Variants in POLM observed in about 807,000 individuals in gnomAD.
POLM encodes DNA polymerase mu.
A neutral mutation model predicts 56.7 loss-of-function variants in POLM; 52 were observed. That is an observed-to-expected ratio of 0.92 (90% CI 0.73 to 1.15). POLM has a LOEUF of 1.15. Among genes scored for constraint, POLM ranks in the 50% most tolerant of loss-of-function variants. The pLI, the probability that POLM is intolerant of heterozygous loss-of-function variation, is 0.00. For synonymous variants in POLM, 273 were observed against 274.3 expected, an observed-to-expected ratio of 1.00 and a Z score of 0.05; for missense variants, 660 against 663.6, an observed-to-expected ratio of 0.99 and a Z score of 0.06.
intron 5 of POLM, among the ~76,000 whole-genome samples, chr7:44,078,070 C>A (rs1403577907): frequency 1.3e-5 from 2 of 152,246 alleles, no homozygotes; most frequent in Non-Finnish European, 2.9e-5. Context: ...CGGGCAAGGG[C>A]AAGCCCAGCA....
In POLM at chr7:44,073,085, T is replaced by C. The variant is rs1158575611; in HGVS notation, c.*206A>G. 2.1e-5 allele frequency: 31 copies of C among 1,454,256 alleles called. No individual in the cohort carries two copies. In the South Asian group the frequency reaches 3.5e-4, roughly 16 times the overall value. The allele number at this position is 1,454,256 out of a possible 1,614,324, so 90.1% of individuals were successfully genotyped here. On this transcript the variant is annotated 3_prime_UTR_variant, in exon 11 of 11. Coordinates refer to ENST00000242248, the MANE Select transcript of POLM (RefSeq NM_013284.4). ...GGTCACACAGTGATGAGGCTGGCACTGAGGGCTCCCACCTCATCACACCCT... is the reference window on the plus strand; with the variant it reads ...GGTCACACAGTGATGAGGCTGGCACCGAGGGCTCCCACCTCATCACACCCT...
At position 44,082,283 on chromosome 7, in the gene POLM, G is replaced by A; in HGVS notation, c.156C>T (p.Arg52=). ...CGTCAAGGACGCGGAAGCCTTTGGA[G>A]CGCGCCAGGCCTGTGAGGAAGGCCC... ...SRRAFLTGLA[R]SKGFRVLDAC... is the part of the protein sequence containing the mutation. The change falls in exon 1 of 11, where the codon CGC becomes CGT. Residue 52 remains arginine (R), a synonymous_variant. Transcript: ENST00000242248. 1 of 1,530,684 alleles carries A rather than the reference G, an allele frequency of 6.5e-7. No homozygotes were observed. Among genetic ancestry groups the A allele is most frequent in the Non-Finnish European group, 8.7e-7 (1 of 1,147,010 alleles). The allele number at this position is 1,530,684 out of a possible 1,614,324, so 94.8% of individuals were successfully genotyped here. A position where few individuals can be genotyped will look rare whatever the true frequency, so the allele number is the denominator to read the frequency against.
At chr7:44,080,616 G>T in intron 2 of POLM, 117 bp downstream of exon 2, 1 of 1,129,574 alleles carries the variant, frequency 8.9e-7, no homozygotes, top group Non-Finnish European at 1.3e-6. Flanking sequence ...AGTCTTCACT[G>T]CCCACCTCCT....
At chr7:44,074,560 C>T (rs1177423766) in intron 6 of POLM, 30 bp from the exon 7 acceptor site, 4 of 1,517,916 alleles carry the variant, frequency 2.6e-6, no homozygotes, top group Non-Finnish European at 3.5e-6. Flanking sequence ...TCCTGACTCA[C>T]CCAGCCTGCC....
intron 4 of POLM, 126 bp downstream of exon 4, chr7:44,079,445 C>G (rs1431797779): frequency 3.5e-6 from 3 of 858,346 alleles, no homozygotes; most frequent in Non-Finnish European, 5.4e-6. Context: ...TTGTTGAGGC[C>G]TTGGAGCAGT....
Position 44,074,179 on chromosome 7 carries a change from AC to A in POLM, c.1022del (p.Gly341ValfsTer10). On this transcript the variant is annotated frameshift_variant, in exon 8 of 11. Coordinates refer to ENST00000242248, the MANE Select transcript of POLM (RefSeq NM_013284.4). LOFTEE classifies it high-confidence loss of function. ...VDFLITHPKE[G>X]QEAGLLPRVM... ...CTCTAGGCAGCAGCCCCGCCTCCTG[AC>A]CCTCCTTGGGGTGGGTGATGAGGAA... 5 of 1,601,670 alleles carry A rather than the reference AC, an allele frequency of 3.1e-6. No homozygotes were observed. Among genetic ancestry groups the A allele is most frequent in the Non-Finnish European group, 4.3e-6 (5 of 1,174,694 alleles).
chr7:44,072,819 CA>C lies in POLM; in HGVS notation c.*471del, dbSNP rs1056222004. ...GTAGGCTCCTTGCTGGCACGAACCA[CA>C]GCCTCCAGCTCATGGCTCTCAAATG... On this transcript the variant is annotated 3_prime_UTR_variant, in exon 11 of 11. Coordinates refer to ENST00000242248, the MANE Select transcript of POLM (RefSeq NM_013284.4). 63 of 360,534 alleles carry C rather than the reference CA, an allele frequency of 1.7e-4. No homozygotes were observed. Among genetic ancestry groups the C allele is most frequent in the African/African-American group, 1.2e-3 (58 of 48,344 alleles). 22.3% of individuals were successfully genotyped at this position (360,534 alleles called of 1,614,324 possible).
intron 7 of POLM, 43 bp downstream of exon 7, chr7:44,074,355 G>C: frequency 6.5e-7 from 1 of 1,550,136 alleles, no homozygotes; most frequent in Non-Finnish European, 8.7e-7. Flanking sequence ...TCACTGGGGA[G>C]GGGTCTGAAG....
In POLM at chr7:44,076,723, A is replaced by G. The variant is rs767398458; in HGVS notation, c.715-94T>C. 153 of 1,515,716 alleles carry G rather than the reference A, an allele frequency of 1.0e-4. No individual in the cohort carries two copies. In the Middle Eastern group the frequency reaches 1.2e-3, roughly 12 times the overall value. The allele number at this position is 1,515,716 out of a possible 1,614,324, so 93.9% of individuals were successfully genotyped here. On this transcript the variant is annotated intron_variant, in intron 5 of 10. Coordinates refer to ENST00000242248, the MANE Select transcript of POLM (RefSeq NM_013284.4). ...GGGACGGTGTGGCCCATGGAGCACCATGCACCAGGCAGGCGCCGTCCCCAC... is the reference window on the plus strand; with the variant it reads ...GGGACGGTGTGGCCCATGGAGCACCGTGCACCAGGCAGGCGCCGTCCCCAC...
chr7:44,074,631 G>T, intron 6 of POLM, 101 bp from the exon 7 acceptor site: 1 of 1,366,742 alleles, frequency 7.3e-7, no homozygotes, highest in Non-Finnish European at 9.7e-7. Flanking sequence ...CCCCGTCATT[G>T]CAGGACCAGG....
intron 5 of POLM, 164 bp downstream of exon 5, chr7:44,078,576 T>C (rs939017002): frequency 3.2e-6 from 2 of 618,652 alleles, no homozygotes; most frequent in African/African-American, 1.8e-5. Context: ...GGCTGCCTTG[T>C]GCATATCAGG....
At chr7:44,080,099 C>A in intron 2 of POLM, 140 bp from the exon 3 acceptor site, 1 of 671,630 alleles carries the variant, frequency 1.5e-6, no homozygotes, top group Non-Finnish European at 2.7e-6. Flanking sequence ...AACAAAACAC[C>A]AGCGGCATGA....
At chr7:44,081,561 T>G (rs543282482) in intron 1 of POLM, among the ~76,000 whole-genome samples, 2 of 152,126 alleles carry the variant, frequency 1.3e-5, no homozygotes, top group East Asian at 3.9e-4. Context: ...TCCCTTACTC[T>G]GGGTGTTGTC....
intron 1 of POLM, among the ~76,000 whole-genome samples, chr7:44,081,240 A>T (rs551517195): frequency 2.0e-5 from 3 of 152,356 alleles, no homozygotes; most frequent in Admixed American, 2.0e-4. Flanking sequence ...CAAGGGTTTC[A>T]GCAGAGATGG....
intron 5 of POLM, chr7:44,078,452 C>T (rs1163442465): frequency 2.6e-5 from 11 of 421,856 alleles, no homozygotes; most frequent in African/African-American, 8.0e-5. Context: ...GGCGACAGAG[C>T]GAGACCCTGT....
intron 8 of POLM, 50 bp from the exon 9 acceptor site, chr7:44,074,075 G>A (rs773240330): frequency 2.5e-6 from 4 of 1,608,062 alleles, no homozygotes; most frequent in Non-Finnish European, 3.4e-6. Context: ...TGTGGAGAGA[G>A]CAGGAGGCAG....
intron 5 of POLM, chr7:44,076,962 C>T (rs1163778861): frequency 4.7e-6 from 1 of 214,400 alleles, no homozygotes; most frequent in Non-Finnish European, 9.3e-6. Flanking sequence ...CCATGCCTCT[C>T]CCACCTAACA....
At chr7:44,076,346 T>C in intron 6 of POLM, 163 bp downstream of exon 6, 1 of 765,012 alleles carries the variant, frequency 1.3e-6, no homozygotes, top group Non-Finnish European at 2.1e-6. Flanking sequence ...AAGGCTTTGA[T>C]AGATCCTGAC....
chr7:44,074,541 C>A lies in POLM; in HGVS notation c.836-11G>T. 2 of 1,546,266 alleles carry A rather than the reference C, an allele frequency of 1.3e-6. No individual in the cohort carries two copies. Among genetic ancestry groups the A allele is most frequent in the Non-Finnish European group, 1.7e-6 (2 of 1,143,072 alleles). On this transcript the variant is annotated splice_polypyrimidine_tract_variant and intron_variant, in intron 6 of 10. Transcript: ENST00000242248. ...GGTGGTGCTGGAGCCCTGGGGGCAA[C>A]ACCGGCCCTCCTGACTCACCCAGCC...
Sources: allele counts gnomAD v4.1 joint callset (sites outside exome capture counted in the v4.1 genomes callset), GRCh38; gene constraint gnomAD v4.1.1; transcripts MANE v1.5; gene names NCBI Gene and HGNC (gene_info 2026-07-23, HGNC 2026-07-21).